The following SLC45A4 variants were observed in gnomAD, a reference collection of about 807,000 sequenced individuals.
SLC45A4 encodes the protein polyamine-transporter SLC45A4.
SLC45A4 carries 32 observed loss-of-function variants against 63.7 expected under a neutral mutation model. The observed-to-expected ratio is 0.50, with a 90% CI of 0.38 to 0.67. SLC45A4 has a LOEUF of 0.67. SLC45A4 is among the 30% of genes least tolerant of loss of function. The pLI is 0.00. For synonymous variants in SLC45A4, 535 were observed against 510.0 expected, an observed-to-expected ratio of 1.05 and a Z score of -0.66; for missense variants, 1,027 against 1,157.7, an observed-to-expected ratio of 0.89 and a Z score of 1.64.
chr8:141,217,881 G>A (rs1184527018), intron 5 of SLC45A4, 130 bp downstream of exon 5: 12 of 1,172,446 alleles, frequency 1.0e-5, no homozygotes, highest in East Asian at 2.6e-5. Flanking sequence ...TCACCTGCAC[G>A]GGAGGCACTG....
At chr8:141,262,056 A>G (rs1829059482) in intron 1 of SLC45A4, among the ~76,000 whole-genome samples, 2 of 152,318 alleles carry the variant, frequency 1.3e-5, no homozygotes, top group Admixed American at 6.5e-5. Context: ...CCTCAGAAAC[A>G]ATGCCACATA....
intron 7 of SLC45A4, among the ~76,000 whole-genome samples, chr8:141,213,419 G>A (rs1222548156): frequency 6.6e-6 from 1 of 152,238 alleles, no homozygotes; most frequent in African/African-American, 2.4e-5. Context: ...CTGGAAATCA[G>A]TAACAACAGG....
At chr8:141,300,458 A>G (rs1291821363) in intron 1 of SLC45A4, among the ~76,000 whole-genome samples, 1 of 152,232 alleles carries the variant, frequency 6.6e-6, no homozygotes, top group African/African-American at 2.4e-5. Context: ...TCCAGATTTG[A>G]GCAAATTCTC....
At chr8:141,281,538 G>A (rs187677528) in intron 1 of SLC45A4, among the ~76,000 whole-genome samples, 1 of 152,338 alleles carries the variant, frequency 6.6e-6, no homozygotes, top group East Asian at 1.9e-4. Flanking sequence ...GCGGCAGCAC[G>A]TGGCCCCTCG....
intron 1 of SLC45A4, among the ~76,000 whole-genome samples, chr8:141,292,150 C>T (rs912453312): frequency 7.9e-5 from 12 of 152,234 alleles, no homozygotes; most frequent in African/African-American, 2.9e-4. Flanking sequence ...AAGCTGCACA[C>T]GGCAGACAAG....
chr8:141,263,432 AT>A (rs1278292243), intron 1 of SLC45A4, among the ~76,000 whole-genome samples: 3 of 151,850 alleles, frequency 2.0e-5, no homozygotes, highest in African/African-American at 7.3e-5. Context: ...GAAAAAATAA[AT>A]AAATAAATAA....
chr8:141,281,905 C>T (rs750688198), intron 1 of SLC45A4, among the ~76,000 whole-genome samples: 9 of 152,180 alleles, frequency 5.9e-5, no homozygotes, highest in Non-Finnish European at 8.8e-5. Context: ...AAGCCTGGCC[C>T]CCGTCCGGAG....
At chr8:141,232,626 C>T (rs1441011690) in intron 2 of SLC45A4, among the ~76,000 whole-genome samples, 1 of 151,698 alleles carries the variant, frequency 6.6e-6, no homozygotes, top group African/African-American at 2.4e-5. Context: ...CAGTGGCTCC[C>T]AGGTGAGCAC....
chr8:141,307,795 G>A (rs1351800112), intron 1 of SLC45A4, among the ~76,000 whole-genome samples: 1 of 103,230 alleles, frequency 9.7e-6, no homozygotes, highest in East Asian at 3.8e-4. Flanking sequence ...GAAGGCGCGC[G>A]CCCCGGGGTG....
intron 2 of SLC45A4, among the ~76,000 whole-genome samples, chr8:141,241,673 G>T (rs565446327): frequency 6.6e-6 from 1 of 152,070 alleles, no homozygotes; most frequent in Admixed American, 6.5e-5. Flanking sequence ...TGCTGACAGG[G>T]TCCTCTGGGG....
chr8:141,220,831 G>C (rs1322647118), intron 3 of SLC45A4, among the ~76,000 whole-genome samples: 1 of 152,274 alleles, frequency 6.6e-6, no homozygotes, highest in African/African-American at 2.4e-5. Context: ...CCAGCAGGGA[G>C]GGGAGGGCTG....
In SLC45A4 at chr8:141,229,585, C is replaced by A. The variant is rs1327778573; in HGVS notation, c.242-7820G>T. Among the ~76,000 whole-genome samples the A allele has an allele frequency of 6.6e-6, 1 of 152,142 alleles. No homozygotes were observed. The highest frequency in any genetic ancestry group is 6.5e-5 in the Admixed American group (1 of 15,278). On this transcript the variant is annotated intron_variant, in intron 2 of 8. Coordinates refer to ENST00000517878, the MANE Select transcript of SLC45A4 (RefSeq NM_001286646.2). This position sits in a 1 kb window ranked among gnomAD's most constrained non-coding sequence, Gnocchi z 5.0. ...CCATCCAGGACCGCATCCTAGGAGG[C>A]TCTCAACAAGCACGTGGCAGGTGAC...
chr8:141,261,442 T>G (rs1829033876), intron 1 of SLC45A4, among the ~76,000 whole-genome samples: 3 of 152,154 alleles, frequency 2.0e-5, no homozygotes, highest in Non-Finnish European at 4.4e-5. Context: ...TGTCCCTGTT[T>G]GCAGATGACA....
intron 1 of SLC45A4, among the ~76,000 whole-genome samples, chr8:141,259,356 C>G (rs936434534): frequency 6.6e-6 from 1 of 152,238 alleles, no homozygotes; most frequent in Non-Finnish European, 1.5e-5. Flanking sequence ...ACACAGGCCC[C>G]ACCTCAGGCC....
Position 141,218,787 on chromosome 8 carries a change from C to A in SLC45A4, c.853G>T (p.Asp285Tyr). 4 of 1,613,252 alleles carry A rather than the reference C, an allele frequency of 2.5e-6. No individual in the cohort carries two copies. The highest frequency in any genetic ancestry group is 3.4e-6 in the Non-Finnish European group (4 of 1,179,856). Residue 285 changes from aspartate to tyrosine, a missense_variant, in exon 5 of 9, where the codon GAC becomes TAC. Transcript: ENST00000517878. The part of the protein sequence containing the change: ...GEPHGVPAFP[D>Y]EVQSEHELAL... ...AGCTCGTGCTCCGACTGTACCTCGT[C>A]TGGGAAGGCAGGGACGCCGTGCGGC... is the stretch of plus-strand genomic sequence containing the variant.
chr8:141,304,576 G>GGC (rs1589871688), intron 1 of SLC45A4, among the ~76,000 whole-genome samples: 1 of 151,064 alleles, frequency 6.6e-6, no homozygotes, highest in Non-Finnish European at 1.5e-5. Flanking sequence ...AAAAAAAAGG[G>GGC]GGGGAGAGAG....
At chr8:141,221,816 C>G (rs1569558124) in intron 2 of SLC45A4, 51 bp from the exon 3 acceptor site, 1 of 1,583,030 alleles carries the variant, frequency 6.3e-7, no homozygotes, top group East Asian at 2.2e-5. Context: ...CCGGGCTCTG[C>G]CACAGTTTTC....
intron 1 of SLC45A4, among the ~76,000 whole-genome samples, chr8:141,300,191 C>T (rs143371677): frequency 2.0e-5 from 3 of 152,272 alleles, no homozygotes; most frequent in Admixed American, 6.5e-5. Context: ...CCCACATTAC[C>T]GATTCCACAG....
intron 1 of SLC45A4, among the ~76,000 whole-genome samples, chr8:141,296,181 A>C (rs1830543378): frequency 6.6e-6 from 1 of 152,094 alleles, no homozygotes; most frequent in Non-Finnish European, 1.5e-5. Flanking sequence ...AAATACAAAA[A>C]TTAGCCAGAC....
Sources: allele counts gnomAD v4.1 joint callset (sites outside exome capture counted in the v4.1 genomes callset), GRCh38; gene constraint gnomAD v4.1.1; non-coding constraint Gnocchi (gnomAD v3.1); transcripts MANE v1.5; gene names NCBI Gene and HGNC (gene_info 2026-07-23, HGNC 2026-07-21).